Variants in RYR3 observed in about 807,000 individuals in gnomAD.
The protein encoded by RYR3 is brain ryanodine receptor-calcium release channel.
RYR3 carries 207 observed loss-of-function variants against 584.3 expected under a neutral mutation model. The observed-to-expected ratio is 0.35, with a 90% CI of 0.32 to 0.40. RYR3 has a LOEUF of 0.40. RYR3 is among the 10% of genes least tolerant of loss of function. The pLI is 1.00. For synonymous variants in RYR3, 2,416 were observed against 2,248.5 expected, an observed-to-expected ratio of 1.07 and a Z score of -2.11; for missense variants, 5,616 against 6,089.2, an observed-to-expected ratio of 0.92 and a Z score of 2.59.
At chr15:33,526,897 C>G (rs1011527843) in intron 3 of RYR3, among the ~76,000 whole-genome samples, 1 of 152,066 alleles carries the variant, frequency 6.6e-6, no homozygotes, top group African/African-American at 2.4e-5. Flanking sequence ...AAGACTTGAC[C>G]AGAGAAGAAT....
At position 33,586,107 on chromosome 15, in the gene RYR3, G is replaced by T; in HGVS notation, c.1779G>T (p.Arg593=). 6.3e-7 allele frequency: 1 copy of T among 1,596,864 alleles called. No individual in the cohort carries two copies. Among genetic ancestry groups the T allele is most frequent in the Non-Finnish European group, 8.6e-7 (1 of 1,164,270 alleles). Residue 593 remains arginine (R), a synonymous_variant, in exon 16 of 104, where the codon CGG becomes CGT. Coordinates refer to ENST00000634891, the MANE Select transcript of RYR3 (RefSeq NM_001036.6). ...SIISLLDKHG[R]NHKVLDILCS... is the part of the protein sequence containing the mutation. ...TCTCCCTGTTGGATAAGCACGGGCG[G>T]AATCACAAGGTAGGTGTGGAAAGAA... is the stretch of plus-strand genomic sequence containing the variant.
chr15:33,850,309 G>A (rs1368454110), intron 94 of RYR3: 1 of 152,060 alleles, frequency 6.6e-6, no homozygotes. Context: ...TTGAACCTGG[G>A]AGGCGGAGGT....
intron 12 of RYR3, among the ~76,000 whole-genome samples, chr15:33,574,978 C>T (rs1053301385): frequency 1.3e-5 from 2 of 152,152 alleles, no homozygotes; most frequent in African/African-American, 4.8e-5. Context: ...GGGTTATAAT[C>T]TTAGTTTCTG....
intron 1 of RYR3, among the ~76,000 whole-genome samples, chr15:33,455,140 A>G (rs1383903750): frequency 1.3e-5 from 2 of 152,180 alleles, no homozygotes; most frequent in East Asian, 1.9e-4. Flanking sequence ...GCAGCTGTGG[A>G]TGACTTCCAG....
At chr15:33,409,613 A>G (rs1480074586) in intron 1 of RYR3, among the ~76,000 whole-genome samples, 1 of 152,118 alleles carries the variant, frequency 6.6e-6, no homozygotes, top group South Asian at 2.1e-4. Flanking sequence ...TTGAAAAACC[A>G]TTGTTCCATA....
intron 1 of RYR3, among the ~76,000 whole-genome samples, chr15:33,468,727 T>A (rs2048683593): frequency 6.6e-6 from 1 of 152,218 alleles, no homozygotes; most frequent in Admixed American, 6.5e-5. Context: ...CTGTAAATTA[T>A]AATTGGGTGC....
intron 10 of RYR3, among the ~76,000 whole-genome samples, chr15:33,561,801 A>G (rs2057416856): frequency 6.6e-6 from 1 of 151,866 alleles, no homozygotes; most frequent in Non-Finnish European, 1.5e-5. Flanking sequence ...TTGGGAGGGT[A>G]AGGTGGGAGG....
chr15:33,826,261 G>A lies in RYR3; in HGVS notation c.11156G>A (p.Arg3719Gln), dbSNP rs375514319. The change falls in exon 83 of 104, where the codon CGG becomes CAG. Residue 3719 changes from arginine to glutamine, a missense_variant. Transcript: ENST00000634891. ...TTTCTCTCATTACCAGTCATTGTTC[G>A]GGAACGTGGTAAGTTTCAGTTTCTG... ...MVTEEGTLIV[R>Q]ERGEKVLQND... 8.7e-6 allele frequency: 14 copies of A among 1,613,596 alleles called. No homozygotes were observed. Among genetic ancestry groups the A allele is most frequent in the East Asian group, 2.2e-5 (1 of 44,876 alleles).
chr15:33,749,937 GCTTT>G, intron 55 of RYR3, 38 bp from the exon 56 acceptor site: 3 of 1,582,674 alleles, frequency 1.9e-6, no homozygotes, highest in Non-Finnish European at 2.6e-6. Context: ...CAGCTTGCCT[GCTTT>G]CTTTCTTTTT....
In RYR3 at chr15:33,723,921, C is replaced by T. The variant is rs942239675; in HGVS notation, c.6801-144C>T. 18 of 597,646 alleles carry T rather than the reference C, an allele frequency of 3.0e-5. No individual in the cohort carries two copies. The African/African-American group carries it at 3.4e-4, about 11-fold the overall frequency. The allele number at this position is 597,646 out of a possible 1,614,324, so 37.0% of individuals were successfully genotyped here. A position where few individuals can be genotyped will look rare whatever the true frequency, so the allele number is the denominator to read the frequency against. ...TTAATGAATGAAACCACTTTGTCAA[C>T]TTCTAGAGGAAGACGAGGTTCCAAG... On this transcript the variant is annotated intron_variant, in intron 44 of 103. Coordinates refer to ENST00000634891, the MANE Select transcript of RYR3 (RefSeq NM_001036.6).
At chr15:33,473,579 C>T (rs958649582) in intron 2 of RYR3, 41 bp downstream of exon 2, 11 of 1,607,128 alleles carry the variant, frequency 6.8e-6, no homozygotes, top group East Asian at 6.7e-5. Context: ...TCCACCTTGG[C>T]GTCTGACAAA....
At chr15:33,465,786 T>C (rs1174844738) in intron 1 of RYR3, 1 of 518,842 alleles carries the variant, frequency 1.9e-6, no homozygotes. Context: ...CAATCACATA[T>C]ATTTAGAAAG....
chr15:33,747,831 T>C (rs888826721), intron 53 of RYR3, among the ~76,000 whole-genome samples: 4 of 152,146 alleles, frequency 2.6e-5, no homozygotes, highest in African/African-American at 9.7e-5. Flanking sequence ...GAGGAGCCAC[T>C]CTCCCATTCC....
At chr15:33,569,035 C>T (rs549167668) in intron 12 of RYR3, among the ~76,000 whole-genome samples, 4 of 151,896 alleles carry the variant, frequency 2.6e-5, no homozygotes, top group African/African-American at 7.2e-5. Context: ...TGTGTGTGTG[C>T]GTGTATGTGT....
chr15:33,540,709 A>G (rs1316946124), intron 6 of RYR3, 82 bp from the exon 7 acceptor site: 2 of 830,168 alleles, frequency 2.4e-6, no homozygotes, highest in Non-Finnish European at 4.1e-6. Flanking sequence ...GTTTAATTTA[A>G]TCCTTGAAGT....
intron 66 of RYR3, 116 bp downstream of exon 66, chr15:33,786,098 C>A: frequency 4.8e-6 from 4 of 828,358 alleles, no homozygotes; most frequent in Non-Finnish European, 7.2e-6. Flanking sequence ...TATATTTAAA[C>A]CTCCCCATGC....
Position 33,584,431 on chromosome 15 carries a change from A to C in RYR3, c.1610A>C (p.Gln537Pro). The C allele has an allele frequency of 6.2e-7, 1 of 1,609,542 alleles. No individual in the cohort carries two copies. The highest frequency in any genetic ancestry group is 8.5e-7 in the Non-Finnish European group (1 of 1,176,764). The change falls in exon 15 of 104, where the codon CAA (glutamine) becomes CCA (proline). Residue 537 changes from glutamine to proline, a missense_variant. By Grantham distance (76) the Gln-to-Pro change is moderately conservative (BLOSUM62 -1). Coordinates refer to ENST00000634891, the MANE Select transcript of RYR3 (RefSeq NM_001036.6). ...CGCGGAAACAGAAACAATTGCGCTC[A>C]ATTCTCCAATAACCTTGATTGGCTC... ...LIRGNRNNCAQFSNNLDWLIS... is the reference protein window; with the variant it reads ...LIRGNRNNCAPFSNNLDWLIS...
rs1168830312 is a variant in RYR3 at position 33,848,399 on chromosome 15, G to A, written c.13606G>A (p.Asp4536Asn). The A allele has an allele frequency of 6.2e-7, 1 of 1,613,254 alleles. No individual in the cohort carries two copies. The change falls in exon 94 of 104, where the codon GAC becomes AAC. Residue 4536 changes from aspartate (D) to asparagine (N), a missense_variant. By Grantham distance (23) the Asp-to-Asn change is conservative (BLOSUM62 1). Around this residue, in one of 9 missense-constraint regions of RYR3, gnomAD observed 918 missense variants for 887.4 expected, o/e 1.03. Transcript: ENST00000634891. ...TGAAGATGACATCAAGGGGCAGTGG[G>A]ACCGCTTGGTGATCAACACACCGTG... Reference protein sequence around the residue: ...PSEDDIKGQWDRLVINTPSFP... With the variant: ...PSEDDIKGQWNRLVINTPSFP...
chr15:33,669,843 T>TGGGGGG (rs35446204), intron 37 of RYR3, among the ~76,000 whole-genome samples: 4 of 22,108 alleles, frequency 1.8e-4, no homozygotes, highest in African/African-American at 3.5e-4. Context: ...TGTGTGTGTG[T>TGGGGGG]GGGGGGGGGG....
Sources: gnomAD v4.1 joint callset for allele counts (sites outside exome capture counted in the v4.1 genomes callset) on GRCh38, gnomAD v4.1.1 for gene constraint, gnomAD v4.1.1 regional missense constraint, MANE v1.5 for transcripts, NCBI Gene and HGNC (gene_info 2026-07-23, HGNC 2026-07-21) for gene names.